Variants in CNTNAP2 observed in about 807,000 individuals in gnomAD.
CNTNAP2 encodes the protein contactin-associated protein-like 2.
In CNTNAP2, 98 loss-of-function variants were observed where a neutral mutation model predicts 155.2. The observed-to-expected ratio is 0.63, with a 90% confidence interval of 0.54 to 0.75. The LOEUF (loss-of-function observed/expected upper bound fraction) is 0.75, where lower values mean the gene tolerates loss of function less well. Ranked by LOEUF, CNTNAP2 falls within the 30% of genes least tolerant of loss-of-function variation. The probability of loss-of-function intolerance (pLI) is 0.00; values close to 1 mark genes in which losing one functional copy is unlikely to be tolerated. For synonymous variants in CNTNAP2, 651 were observed against 631.2 expected, an observed-to-expected ratio of 1.03 and a Z score of -0.47; for missense variants, 1,727 against 1,688.1, an observed-to-expected ratio of 1.02 and a Z score of -0.40.
chr7:147,093,212 G>A (rs1417158589), intron 4 of CNTNAP2, among the ~76,000 whole-genome samples: 1 of 140,726 alleles, frequency 7.1e-6, no homozygotes, highest in Admixed American at 7.5e-5. Flanking sequence ...CTGCACTCCA[G>A]CCTGGGCGAA....
chr7:148,061,972 TAG>T (rs1554468134), intron 15 of CNTNAP2, among the ~76,000 whole-genome samples: 11 of 127,962 alleles, frequency 8.6e-5, no homozygotes, highest in African/African-American at 3.6e-4. Context: ...GATAGATAGA[TAG>T]ATAGATAGAT....
intron 13 of CNTNAP2, among the ~76,000 whole-genome samples, chr7:147,749,939 A>G (rs1237261618): frequency 6.6e-6 from 1 of 152,220 alleles, no homozygotes; most frequent in Non-Finnish European, 1.5e-5. Context: ...ACACACAAAT[A>G]TATTTGATAT....
chr7:147,581,050 C>T (rs1253025773), intron 12 of CNTNAP2, among the ~76,000 whole-genome samples: 1 of 152,204 alleles, frequency 6.6e-6, no homozygotes, highest in Non-Finnish European at 1.5e-5. Context: ...AACAATTCCA[C>T]AGGAAGTAGG....
At chr7:148,044,254 G>A (rs114264302) in intron 15 of CNTNAP2, among the ~76,000 whole-genome samples, 1 of 145,494 alleles carries the variant, frequency 6.9e-6, no homozygotes, top group Non-Finnish European at 1.5e-5. Context: ...CCGTGTTCTA[G>A]CTCCGACCCA....
intron 1 of CNTNAP2, among the ~76,000 whole-genome samples, chr7:146,478,896 T>C (rs746830164): frequency 6.6e-6 from 1 of 152,170 alleles, no homozygotes. Flanking sequence ...AAATTAAAGA[T>C]GGTGTCTACT....
Position 146,927,732 on chromosome 7 carries a change from C to G in CNTNAP2, c.402+87828C>G, listed in dbSNP as rs79463157. On this transcript the variant is annotated intron_variant, in intron 3 of 23. Transcript: ENST00000361727. ...TTTTCTTGGTCCTAACCCTGATCAC[C>G]AGTCTCTGGAAGCAATCACTTTCAC... 1.8e-3 allele frequency among the ~76,000 whole-genome samples: 272 copies of G among 151,854 alleles called. 4 individuals are homozygous for G. Among genetic ancestry groups the G allele is most frequent in the African/African-American group, 6.3e-3 (260 of 41,452 alleles).
intron 1 of CNTNAP2, among the ~76,000 whole-genome samples, chr7:146,363,949 ATAAATGGAAGG>A (rs1795120450): frequency 6.6e-6 from 1 of 152,190 alleles, no homozygotes; most frequent in Non-Finnish European, 1.5e-5. Flanking sequence ...AATTCAAAGA[ATAAATGGAAGG>A]TTCAGCCTTT....
chr7:147,112,287 G>C (rs377266220), intron 5 of CNTNAP2, among the ~76,000 whole-genome samples: 6 of 152,098 alleles, frequency 3.9e-5, no homozygotes, highest in Admixed American at 6.6e-5. Context: ...GAGATGATGA[G>C]GTTTCCTAGT....
At chr7:147,780,463 C>T (rs1487942511) in intron 13 of CNTNAP2, among the ~76,000 whole-genome samples, 2 of 151,840 alleles carry the variant, frequency 1.3e-5, no homozygotes, top group African/African-American at 4.8e-5. Flanking sequence ...TATACCTCTA[C>T]AGATCTACAT....
At chr7:147,171,101 G>A (rs1802217484) in intron 8 of CNTNAP2, among the ~76,000 whole-genome samples, 1 of 152,092 alleles carries the variant, frequency 6.6e-6, no homozygotes, top group Non-Finnish European at 1.5e-5. Context: ...CATCCATTGG[G>A]GTTTTGGGGT....
intron 1 of CNTNAP2, among the ~76,000 whole-genome samples, chr7:146,205,961 C>T (rs548016367): frequency 1.3e-5 from 2 of 151,950 alleles, no homozygotes; most frequent in East Asian, 1.9e-4. Context: ...AAAGCAGGCT[C>T]CTATGCAGAG....
intron 20 of CNTNAP2, among the ~76,000 whole-genome samples, chr7:148,259,727 C>A (rs1038299456): frequency 1.3e-5 from 2 of 152,206 alleles, no homozygotes; most frequent in Admixed American, 6.5e-5. Context: ...CCAACGCAAA[C>A]TGTGGCTTAA....
chr7:146,357,599 A>G (rs1795018232), intron 1 of CNTNAP2, among the ~76,000 whole-genome samples: 1 of 152,194 alleles, frequency 6.6e-6, no homozygotes, highest in Non-Finnish European at 1.5e-5. Flanking sequence ...ATACGGATAT[A>G]GGATTTTATT....
chr7:146,819,149 C>T (rs374891014), intron 2 of CNTNAP2, among the ~76,000 whole-genome samples: 1 of 152,254 alleles, frequency 6.6e-6, no homozygotes, highest in East Asian at 1.9e-4. Context: ...AGTTACCCAA[C>T]TTTCCCTTAC....
intron 13 of CNTNAP2, among the ~76,000 whole-genome samples, chr7:147,878,226 A>T (rs1030088341): frequency 1.3e-5 from 2 of 151,854 alleles, no homozygotes; most frequent in African/African-American, 4.8e-5. Flanking sequence ...ATCTATTTGT[A>T]CAGTGCCTAA....
chr7:148,112,480 A>C (rs1804374405), intron 15 of CNTNAP2, among the ~76,000 whole-genome samples: 1 of 151,790 alleles, frequency 6.6e-6, no homozygotes, highest in South Asian at 2.1e-4. Flanking sequence ...AAATGCAGTG[A>C]CATGATCACA....
intron 2 of CNTNAP2, among the ~76,000 whole-genome samples, chr7:146,796,454 G>A (rs527504303): frequency 7.2e-5 from 11 of 152,074 alleles, no homozygotes; most frequent in South Asian, 4.2e-4. Context: ...ATCTTGATGC[G>A]GAAACTGAAT....
chr7:148,221,791 T>TCACTCAC (rs1795750961), intron 19 of CNTNAP2, among the ~76,000 whole-genome samples: 1 of 152,156 alleles, frequency 6.6e-6, no homozygotes, highest in Non-Finnish European at 1.5e-5. Context: ...AAGGTCAGTG[T>TCACTCAC]CACTCACCAG....
At chr7:148,390,284 A>AGACTT (rs1349819993) in intron 22 of CNTNAP2, among the ~76,000 whole-genome samples, 4 of 152,198 alleles carry the variant, frequency 2.6e-5, no homozygotes, top group South Asian at 4.1e-4. Context: ...ACTGGAAAGC[A>AGACTT]GACTTGAAAC....
Sources: allele counts gnomAD v4.1 joint callset (sites outside exome capture counted in the v4.1 genomes callset), GRCh38; gene constraint gnomAD v4.1.1; transcripts MANE v1.5; gene names NCBI Gene and HGNC (gene_info 2026-07-23, HGNC 2026-07-21).